ANO3: variants seen among roughly 807,000 people sequenced by gnomAD.
ANO3 encodes the protein anoctamin-3.
Under a neutral mutation model 144.8 loss-of-function variants are expected in ANO3, and 99 were observed. The observed-to-expected ratio is 0.68, with a 90% CI of 0.58 to 0.81. ANO3 has a LOEUF of 0.81. ANO3 is among the 30% of genes least tolerant of loss of function. The pLI is 0.00. For missense variants in ANO3, 905 were observed against 1,202.2 expected, an observed-to-expected ratio of 0.75 and a Z score of 3.66; for synonymous variants, 414 against 392.6, an observed-to-expected ratio of 1.05 and a Z score of -0.64.
At chr11:26,544,252 A>ACATATATATATG (rs33941935) in intron 11 of ANO3, among the ~76,000 whole-genome samples, 2 of 14,316 alleles carry the variant, frequency 1.4e-4, no homozygotes, top group Non-Finnish European at 4.3e-4. Context: ...TTCATTATAC[A>ACATATATATATG]TATATATATA....
chr11:26,459,554 C>T (rs1859299319), intron 3 of ANO3, among the ~76,000 whole-genome samples: 1 of 151,540 alleles, frequency 6.6e-6, no homozygotes, highest in African/African-American at 2.4e-5. Context: ...AAGGAGAAAG[C>T]AGTCAACAAA....
chr11:26,461,757 T>C (rs1163957038), intron 3 of ANO3, among the ~76,000 whole-genome samples: 1 of 152,104 alleles, frequency 6.6e-6, no homozygotes, highest in Non-Finnish European at 1.5e-5. Flanking sequence ...ACTAGTTTAG[T>C]GACTTTGGCA....
intron 1 of ANO3, among the ~76,000 whole-genome samples, chr11:26,269,339 AC>A (rs1853387306): frequency 6.6e-6 from 1 of 152,020 alleles, no homozygotes; most frequent in African/African-American, 2.4e-5. Context: ...GGAAGGGGAG[AC>A]GTGGAAGGCA....
intron 20 of ANO3, among the ~76,000 whole-genome samples, chr11:26,637,657 T>C (rs1234522198): frequency 6.6e-6 from 1 of 152,196 alleles, no homozygotes; most frequent in Non-Finnish European, 1.5e-5. Flanking sequence ...AGAGGTTTGC[T>C]TGGATGCGAG....
intron 1 of ANO3, among the ~76,000 whole-genome samples, chr11:26,225,976 G>A (rs1852248445): frequency 6.6e-6 from 1 of 152,080 alleles, no homozygotes; most frequent in African/African-American, 2.4e-5. Flanking sequence ...ACAGAAGAAT[G>A]ACAGATCTAA....
At chr11:26,218,884 A>G (rs1852086692) in intron 1 of ANO3, among the ~76,000 whole-genome samples, 1 of 152,226 alleles carries the variant, frequency 6.6e-6, no homozygotes, top group East Asian at 1.9e-4. Context: ...TCATCATTTG[A>G]AAACTTGATT....
At chr11:26,294,576 G>A (rs546751197) in intron 1 of ANO3, among the ~76,000 whole-genome samples, 1 of 152,040 alleles carries the variant, frequency 6.6e-6, no homozygotes, top group Non-Finnish European at 1.5e-5. Context: ...AGAAACCAAG[G>A]GTCAGTAGGA....
At chr11:26,647,145 C>CTA (rs1393177175) in intron 23 of ANO3, among the ~76,000 whole-genome samples, 1 of 152,120 alleles carries the variant, frequency 6.6e-6, no homozygotes, top group African/African-American at 2.4e-5. Flanking sequence ...GTTCTATATA[C>CTA]TATACATCTT....
intron 1 of ANO3, among the ~76,000 whole-genome samples, chr11:26,390,920 G>T (rs1187865719): frequency 6.6e-6 from 1 of 151,998 alleles, no homozygotes; most frequent in African/African-American, 2.4e-5. Context: ...CTCCAAGTTT[G>T]TTGGCCAAGA....
chr11:26,483,945 G>A (rs1446924327), intron 4 of ANO3, among the ~76,000 whole-genome samples: 1 of 152,150 alleles, frequency 6.6e-6, no homozygotes, highest in African/African-American at 2.4e-5. Flanking sequence ...GGAACTTATT[G>A]GGAACTTGAG....
chr11:26,628,836 G>A (rs975652922), intron 18 of ANO3, among the ~76,000 whole-genome samples: 5 of 152,110 alleles, frequency 3.3e-5, no homozygotes, highest in African/African-American at 1.2e-4. Context: ...TTCCTCATAT[G>A]GAATTATTGG....
intron 4 of ANO3, among the ~76,000 whole-genome samples, chr11:26,477,842 G>A (rs905736042): frequency 2.0e-5 from 3 of 152,262 alleles, no homozygotes; most frequent in Admixed American, 2.0e-4. Flanking sequence ...AAAATTTTTT[G>A]AGTAATTTTA....
chr11:26,568,877 A>G (rs1208400567), intron 14 of ANO3, among the ~76,000 whole-genome samples: 1 of 152,070 alleles, frequency 6.6e-6, no homozygotes, highest in Non-Finnish European at 1.5e-5. Context: ...CCTTTTCATT[A>G]TCTACGGCAT....
intron 14 of ANO3, among the ~76,000 whole-genome samples, chr11:26,569,758 T>C (rs1850745822): frequency 6.6e-6 from 1 of 152,120 alleles, no homozygotes. Context: ...CTCTATGTTA[T>C]ATACTTGCTT....
At chr11:26,259,192 T>C (rs1350020686) in intron 1 of ANO3, among the ~76,000 whole-genome samples, 1 of 152,196 alleles carries the variant, frequency 6.6e-6, no homozygotes, top group Admixed American at 6.5e-5. Context: ...CTCTCTCTCT[T>C]CTACTGCCAC....
At chr11:26,314,519 T>A (rs1854577269) in intron 1 of ANO3, among the ~76,000 whole-genome samples, 1 of 152,160 alleles carries the variant, frequency 6.6e-6, no homozygotes, top group South Asian at 2.1e-4. Context: ...TTGGCGAGGA[T>A]GCTGTGGAGA....
intron 2 of ANO3, among the ~76,000 whole-genome samples, chr11:26,442,629 C>T (rs1858561064): frequency 6.6e-6 from 1 of 152,168 alleles, no homozygotes; most frequent in South Asian, 2.1e-4. Context: ...CAAAGAAACG[C>T]TGTGGCTACC....
intron 1 of ANO3, among the ~76,000 whole-genome samples, chr11:26,270,565 C>T (rs1189952530): frequency 1.3e-5 from 2 of 152,186 alleles, no homozygotes; most frequent in African/African-American, 2.4e-5. Context: ...TCTTAACATT[C>T]TCACTCCTAT....
chr11:26,590,802 G>A (rs294002), intron 14 of ANO3, among the ~76,000 whole-genome samples: 46,941 of 152,022 alleles, frequency 0.31, 7,386 homozygotes, highest in Admixed American at 0.38. Flanking sequence ...AGTCAGTGGC[G>A]GGTCTGCAAA....
Sources: allele counts gnomAD v4.1 joint callset (sites outside exome capture counted in the v4.1 genomes callset), GRCh38; gene constraint gnomAD v4.1.1; transcripts MANE v1.5; gene names NCBI Gene and HGNC (gene_info 2026-07-23, HGNC 2026-07-21).